The following ETFA variants were observed in gnomAD, a reference collection of about 807,000 sequenced individuals.
ETFA encodes the protein electron transfer flavoprotein subunit alpha.
In ETFA, 22 loss-of-function variants were observed where a neutral mutation model predicts 46.2. The ratio of observed to expected loss-of-function variants is 0.48; its 90% CI spans 0.34 to 0.68. The LOEUF (loss-of-function observed/expected upper bound fraction) is 0.68. ETFA is among the 30% of genes least tolerant of loss of function. ETFA has a pLI of 0.01. For missense variants in ETFA, 345 were observed against 401.1 expected (o/e 0.86, Z 1.19); for synonymous variants, 131 against 139.9 (o/e 0.94, Z 0.45).
At chr15:76,298,333 G>A (rs893597976) in intron 1 of ETFA, among the ~76,000 whole-genome samples, 2 of 152,028 alleles carry the variant, frequency 1.3e-5, no homozygotes, top group Admixed American at 6.6e-5. Context: ...TTGAGCCATC[G>A]CACCTAGCCA....
chr15:76,310,698 A>G (rs2039988462), intron 1 of ETFA, among the ~76,000 whole-genome samples: 1 of 152,226 alleles, frequency 6.6e-6, no homozygotes, highest in Non-Finnish European at 1.5e-5. Context: ...GGTCAGCCTG[A>G]AGCATATAAA....
At position 76,233,325 on chromosome 15, in the gene ETFA, C is replaced by CTTTTT. The variant is rs66595585; in HGVS notation, c.817-1932_817-1928dup. 3.0e-3 allele frequency among the ~76,000 whole-genome samples: 254 copies of CTTTTT among 84,494 alleles called. 10 individuals are homozygous for CTTTTT. The highest frequency in any genetic ancestry group is 3.7e-3 in the Non-Finnish European group (169 of 46,290). 55.4% of individuals were successfully genotyped at this position (84,494 alleles called of 152,430 possible). On this transcript the variant is annotated intron_variant, in intron 9 of 11. Transcript: ENST00000557943. Reference sequence around the variant, plus strand: ...TAAGATTTAGAAGTAATTCAATAGGCTTTTTTTTTTTTTTTTTTTTTTGAG... The same window carrying CTTTTT: ...TAAGATTTAGAAGTAATTCAATAGGCTTTTTTTTTTTTTTTTTTTTTTTTTTTGAG...
chr15:76,287,813 C>T (rs2141533416), intron 5 of ETFA, 33 bp downstream of exon 5: 2 of 1,366,904 alleles, frequency 1.5e-6, no homozygotes, highest in Non-Finnish European at 1.0e-6. Context: ...TAAAATTTAA[C>T]ATGTTGATTA....
chr15:76,226,131 A>G (rs1038069007), intron 10 of ETFA: 4 of 557,604 alleles, frequency 7.2e-6, no homozygotes, highest in Non-Finnish European at 9.5e-6. Flanking sequence ...CATCTAGCCC[A>G]TCTCAGTATT....
chr15:76,228,034 G>A (rs1438203934), intron 10 of ETFA: 1 of 451,476 alleles, frequency 2.2e-6, no homozygotes, highest in Non-Finnish European at 4.5e-6. Context: ...GCATTGGCGT[G>A]TTTCTCTTTT....
chr15:76,274,058 A>T (rs2039569022), intron 9 of ETFA: 1 of 247,598 alleles, frequency 4.0e-6, no homozygotes, highest in Admixed American at 5.0e-5. Context: ...GTTCTCATTG[A>T]TTTTATACTC....
intron 7 of ETFA, chr15:76,284,289 A>T (rs966774486): frequency 1.2e-5 from 2 of 169,282 alleles, no homozygotes; most frequent in African/African-American, 4.8e-5. Context: ...AGCCTGTCAT[A>T]GAACAGATAA....
Position 76,261,322 on chromosome 15 carries a change from T to A in ETFA, c.816+13090A>T. The A allele has an allele frequency of 4.1e-6, 6 of 1,462,660 alleles. No homozygotes were observed. In the South Asian group the frequency reaches 7.1e-5, roughly 17 times the overall value. 90.6% of individuals were successfully genotyped at this position (1,462,660 alleles called of 1,614,324 possible). ...ACCTACTACCGTGAGCCACACTGGC[T>A]GGGAGATCTGGGTTTCGCCCCCATC... On this transcript the variant is annotated intron_variant, in intron 9 of 11. Transcript: ENST00000557943.
At position 76,289,810 on chromosome 15, in the gene ETFA, C is replaced by T. The variant is rs111732891; in HGVS notation, c.352-1865G>A. ...ATTCCAAACCCATTTACAGGCCGCA[C>T]GACCAGCTACTATTATGTGACCCTT... is the stretch of plus-strand genomic sequence containing the variant. On this transcript the variant is annotated intron_variant, in intron 4 of 11. Coordinates refer to ENST00000557943, the MANE Select transcript of ETFA (RefSeq NM_000126.4). Among the ~76,000 whole-genome samples the T allele has an allele frequency of 1.6e-3, 239 of 152,278 alleles. 1 individual carries two copies. Among genetic ancestry groups the T allele is most frequent in the African/African-American group, 5.6e-3 (231 of 41,548 alleles).
intron 9 of ETFA, among the ~76,000 whole-genome samples, chr15:76,256,823 T>C (rs1307158208): frequency 6.6e-6 from 1 of 152,208 alleles, no homozygotes; most frequent in African/African-American, 2.4e-5. Context: ...CATATTAACT[T>C]TTTATGTTTA....
intron 1 of ETFA, among the ~76,000 whole-genome samples, chr15:76,297,154 G>A (rs7180462): frequency 0.29 from 43,418 of 152,004 alleles, 6,634 homozygotes; most frequent in East Asian, 0.57. Flanking sequence ...AACTTAAAAG[G>A]AGGGTATGAA....
intron 9 of ETFA, among the ~76,000 whole-genome samples, chr15:76,249,579 C>T (rs2141481147): frequency 6.6e-6 from 1 of 151,064 alleles, no homozygotes; most frequent in African/African-American, 2.4e-5. Flanking sequence ...GTAGCTGGGA[C>T]TACAGGCGCC....
At chr15:76,254,685 A>G (rs958560124) in intron 9 of ETFA, among the ~76,000 whole-genome samples, 2 of 152,186 alleles carry the variant, frequency 1.3e-5, no homozygotes, top group Non-Finnish European at 2.9e-5. Flanking sequence ...CAGAGGTGCC[A>G]AGACTTTTAA....
intron 9 of ETFA, among the ~76,000 whole-genome samples, chr15:76,235,893 T>C (rs1243604446): frequency 6.6e-6 from 1 of 152,196 alleles, no homozygotes; most frequent in East Asian, 1.9e-4. Flanking sequence ...CTTAAGTCCT[T>C]TAGACAAAAC....
At chr15:76,248,431 A>G (rs1054126978) in intron 9 of ETFA, among the ~76,000 whole-genome samples, 1 of 152,212 alleles carries the variant, frequency 6.6e-6, no homozygotes, top group Non-Finnish European at 1.5e-5. Context: ...AAAATTTTTA[A>G]AACTTTTAGA....
chr15:76,288,262 T>C (rs910125967), intron 4 of ETFA, among the ~76,000 whole-genome samples: 11 of 152,202 alleles, frequency 7.2e-5, no homozygotes, highest in Non-Finnish European at 5.9e-5. Flanking sequence ...TTGTGGATTA[T>C]TGAATTTAGA....
At chr15:76,254,042 A>G (rs2039326772) in intron 9 of ETFA, among the ~76,000 whole-genome samples, 1 of 152,206 alleles carries the variant, frequency 6.6e-6, no homozygotes. Context: ...AGAATCCTGT[A>G]AGGGAGGGAG....
At chr15:76,295,155 C>T (rs192967766) in intron 2 of ETFA, among the ~76,000 whole-genome samples, 1 of 152,278 alleles carries the variant, frequency 6.6e-6, no homozygotes, top group Non-Finnish European at 1.5e-5. Flanking sequence ...TTAGTACCAG[C>T]TAGAGTTTGG....
At chr15:76,295,802 T>TTTACTAA in intron 1 of ETFA, 65 bp from the exon 2 acceptor site, 1 of 1,289,870 alleles carries the variant, frequency 7.8e-7, no homozygotes, top group Non-Finnish European at 1.1e-6. Context: ...TTTTTTTTTT[T>TTTACTAA]TACTAATTGT....
Sources: gnomAD v4.1 joint callset for allele counts (sites outside exome capture counted in the v4.1 genomes callset) on GRCh38, gnomAD v4.1.1 for gene constraint, MANE v1.5 for transcripts, NCBI Gene and HGNC (gene_info 2026-07-23, HGNC 2026-07-21) for gene names.